The following HRH1 variants were observed in gnomAD, a reference collection of about 807,000 sequenced individuals.
The protein encoded by HRH1 is histamine H1 receptor.
HRH1 carries 6 observed loss-of-function variants against 10.3 expected under a neutral mutation model. That is an observed-to-expected ratio of 0.58 (90% confidence interval 0.32 to 1.15). The LOEUF (loss-of-function observed/expected upper bound fraction) is 1.15, where lower values mean the gene tolerates loss of function less well. Among genes scored for constraint, HRH1 ranks in the 50% most tolerant of loss-of-function variants. The pLI is 0.05. For missense variants in HRH1, 514 were observed against 615.3 expected, an observed-to-expected ratio of 0.84 and a Z score of 1.74; for synonymous variants, 242 against 236.7, an observed-to-expected ratio of 1.02 and a Z score of -0.21.
In HRH1 at chr3:11,176,466, C is replaced by T. The variant is rs961473020; in HGVS notation, c.-36+21912C>T. Among the ~76,000 whole-genome samples, 45 of 152,204 alleles carry T rather than the reference C, an allele frequency of 3.0e-4. No individual in the cohort carries two copies. In the Middle Eastern group the frequency reaches 0.014, roughly 46 times the overall value. ...ATTGTGCACTGTTCTCCTAGGCTAA[C>T]GTGGGGTGGGGTGGGGTCTGAGGAT... On this transcript the variant is annotated intron_variant, in intron 1 of 1. Coordinates refer to ENST00000431010, the MANE Select transcript of HRH1 (RefSeq NM_001098212.2).
At chr3:11,180,505 A>C (rs1372135468) in intron 1 of HRH1, among the ~76,000 whole-genome samples, 2 of 152,144 alleles carry the variant, frequency 1.3e-5, no homozygotes, top group East Asian at 3.9e-4. Context: ...TCAGGTGGTA[A>C]TGCTTGCTTG....
chr3:11,231,476 C>A (rs1377507282), intron 1 of HRH1, among the ~76,000 whole-genome samples: 3 of 152,208 alleles, frequency 2.0e-5, no homozygotes, highest in African/African-American at 7.2e-5. Context: ...GACACAGTTT[C>A]TCTGCAGTCT....
intron 1 of HRH1, among the ~76,000 whole-genome samples, chr3:11,178,601 TCCACC>T (rs1183778510): frequency 6.6e-6 from 1 of 152,064 alleles, no homozygotes; most frequent in African/African-American, 2.4e-5. Context: ...ACTTCCACCT[TCCACC>T]CCACCCCCTG....
chr3:11,143,431 G>A (rs1252753536), intron 1 of HRH1, among the ~76,000 whole-genome samples: 5 of 152,200 alleles, frequency 3.3e-5, no homozygotes, highest in African/African-American at 9.7e-5. Context: ...ACCAGTCCCT[G>A]AGCTCACCAT....
intron 1 of HRH1, among the ~76,000 whole-genome samples, chr3:11,222,779 A>G (rs1036423610): frequency 6.6e-6 from 1 of 152,020 alleles, no homozygotes; most frequent in Non-Finnish European, 1.5e-5. Context: ...AGACAACACT[A>G]CACCCTCCCA....
intron 1 of HRH1, among the ~76,000 whole-genome samples, chr3:11,225,799 C>G (rs1292795550): frequency 1.3e-5 from 2 of 152,244 alleles, no homozygotes; most frequent in African/African-American, 4.8e-5. Context: ...GACTCACATG[C>G]CTCAGTCTCC....
chr3:11,222,319 T>A (rs1265566126), intron 1 of HRH1, among the ~76,000 whole-genome samples: 1 of 152,158 alleles, frequency 6.6e-6, no homozygotes, highest in East Asian at 1.9e-4. Flanking sequence ...ATGGGAACAA[T>A]TTATGAAAAC....
At chr3:11,239,753 C>G (rs1939286069) in intron 1 of HRH1, among the ~76,000 whole-genome samples, 1 of 152,078 alleles carries the variant, frequency 6.6e-6, no homozygotes, top group African/African-American at 2.4e-5. Context: ...CTTCTTCTAT[C>G]CCCTCCTCTA....
chr3:11,158,664 T>G (rs1037441434), intron 1 of HRH1, among the ~76,000 whole-genome samples: 1 of 152,238 alleles, frequency 6.6e-6, no homozygotes, highest in Non-Finnish European at 1.5e-5. Flanking sequence ...TTATATATAT[T>G]TCTATTATTT....
rs141254579 is a variant in HRH1, at chr3:11,219,253, C to T, written c.-35-39750C>T. On this transcript the variant is annotated intron_variant, in intron 1 of 1. Coordinates refer to ENST00000431010, the MANE Select transcript of HRH1 (RefSeq NM_001098212.2). Reference sequence around the variant, plus strand: ...CTCAGGGAGCAGTGACTCCAGAAAACCATACAAACCTAGCACATGAATTAA... The same window carrying T: ...CTCAGGGAGCAGTGACTCCAGAAAATCATACAAACCTAGCACATGAATTAA... 8.6e-3 allele frequency among the ~76,000 whole-genome samples: 1,307 copies of T among 152,198 alleles called. 25 individuals are homozygous for T. Among genetic ancestry groups the T allele is most frequent in the African/African-American group, 0.03 (1,233 of 41,522 alleles).
chr3:11,236,990 C>T (rs1181255059), intron 1 of HRH1, among the ~76,000 whole-genome samples: 1 of 151,780 alleles, frequency 6.6e-6, no homozygotes, highest in Non-Finnish European at 1.5e-5. Flanking sequence ...CTTTTTTTTT[C>T]CTCAAGAAGA....
At chr3:11,206,050 G>C (rs1261700326) in intron 1 of HRH1, among the ~76,000 whole-genome samples, 2 of 152,212 alleles carry the variant, frequency 1.3e-5, no homozygotes, top group African/African-American at 4.8e-5. Flanking sequence ...CTGGCTTGAA[G>C]CTGGGGCACA....
intron 1 of HRH1, among the ~76,000 whole-genome samples, chr3:11,184,870 A>G (rs1052421916): frequency 6.7e-6 from 1 of 149,058 alleles, no homozygotes; most frequent in Admixed American, 6.8e-5. Flanking sequence ...GTGAGCGGAG[A>G]TCAGGCCACT....
At chr3:11,218,189 G>A (rs907862646) in intron 1 of HRH1, among the ~76,000 whole-genome samples, 5 of 152,230 alleles carry the variant, frequency 3.3e-5, no homozygotes, top group African/African-American at 1.2e-4. Flanking sequence ...GCTCACGCCT[G>A]TAATCCCAGC....
chr3:11,248,419 G>A (rs73121688), intron 1 of HRH1, among the ~76,000 whole-genome samples: 2,161 of 152,200 alleles, frequency 0.014, 54 homozygotes, highest in African/African-American at 0.05. Flanking sequence ...ATATAAACAT[G>A]AGGATCAAAG....
chr3:11,232,916 CT>C (rs1453114514), intron 1 of HRH1, among the ~76,000 whole-genome samples: 1 of 152,146 alleles, frequency 6.6e-6, no homozygotes, highest in African/African-American at 2.4e-5. Context: ...GCTGACAGCT[CT>C]TTTCTTTCAG....
At chr3:11,216,773 G>A (rs1938513661) in intron 1 of HRH1, among the ~76,000 whole-genome samples, 1 of 152,138 alleles carries the variant, frequency 6.6e-6, no homozygotes, top group Admixed American at 6.6e-5. Context: ...CCAGCTACTT[G>A]GGAGGCTGAG....
At position 11,260,582 on chromosome 3, in the gene HRH1, A is replaced by G. The variant is rs1238509814; in HGVS notation, c.*81A>G. 3 of 1,364,096 alleles carry G rather than the reference A, an allele frequency of 2.2e-6. No individual in the cohort carries two copies. The highest frequency in any genetic ancestry group is 2.9e-5 in the African/African-American group (2 of 68,596). 84.5% of individuals were successfully genotyped at this position (1,364,096 alleles called of 1,614,324 possible). On this transcript the variant is annotated 3_prime_UTR_variant, in exon 2 of 2. Transcript: ENST00000431010. ...AGAGGACGAAGGCCTGTGTGTTGCC[A>G]GGCAGGCACCTGGGCTTTCTGGAAT... is the stretch of plus-strand genomic sequence containing the variant.
chr3:11,183,855 CTT>C (rs60566877), intron 1 of HRH1, among the ~76,000 whole-genome samples: 70 of 91,932 alleles, frequency 7.6e-4, no homozygotes, highest in South Asian at 2.0e-3. Context: ...GGAAAGCTTG[CTT>C]TTTTTTTTTT....
Sources: gnomAD v4.1 joint callset for allele counts (sites outside exome capture counted in the v4.1 genomes callset) on GRCh38, gnomAD v4.1.1 for gene constraint, MANE v1.5 for transcripts, NCBI Gene and HGNC (gene_info 2026-07-23, HGNC 2026-07-21) for gene names.